The following PIBF1 variants were observed in gnomAD, a reference collection of about 807,000 sequenced individuals.
PIBF1 encodes the protein progesterone immunomodulatory binding factor 1, also known as progesterone-induced-blocking factor 1.
Under a neutral mutation model 112.5 loss-of-function variants are expected in PIBF1, and 90 were observed. That is an observed-to-expected ratio of 0.80 (90% CI 0.67 to 0.95). The LOEUF (loss-of-function observed/expected upper bound fraction) is 0.95. PIBF1 is among the 40% of genes least tolerant of loss of function. The pLI is 0.00. For missense variants in PIBF1, 915 were observed against 852.3 expected (o/e 1.07, Z -0.92); for synonymous variants, 301 against 288.6 (o/e 1.04, Z -0.44).
chr13:72,873,881 T>C (rs1418488080), intron 10 of PIBF1, among the ~76,000 whole-genome samples: 1 of 152,198 alleles, frequency 6.6e-6, no homozygotes, highest in Admixed American at 6.5e-5. Context: ...CCAGAACTCT[T>C]GCAACTTAAG....
chr13:72,951,565 C>T (rs2042296614), intron 14 of PIBF1, among the ~76,000 whole-genome samples: 1 of 152,038 alleles, frequency 6.6e-6, no homozygotes, highest in Non-Finnish European at 1.5e-5. Flanking sequence ...TAGGCAAAGA[C>T]AATCTGAAAG....
chr13:72,967,764 T>G (rs554690800), intron 15 of PIBF1, among the ~76,000 whole-genome samples: 267 of 152,288 alleles, frequency 1.8e-3, no homozygotes, highest in Non-Finnish European at 3.1e-3. Context: ...TATAATAAAA[T>G]TTTTTAAAAA....
intron 13 of PIBF1, among the ~76,000 whole-genome samples, chr13:72,927,382 T>G (rs533582865): frequency 6.6e-6 from 1 of 152,238 alleles, no homozygotes; most frequent in South Asian, 2.1e-4. Flanking sequence ...CGGGCACCTG[T>G]GGTCCCAGCT....
Position 72,824,737 on chromosome 13 carries a change from ATTAC to A in PIBF1, c.807-2267_807-2264del, listed in dbSNP as rs146408231. On this transcript the variant is annotated intron_variant, in intron 6 of 17. Transcript: ENST00000326291. Reference sequence around the variant, plus strand: ...TATTTACACAAAGCATCTCTTCACAATTACTTACTAATTTTAAAGGGCAAAAGGA... The same window carrying A: ...TATTTACACAAAGCATCTCTTCACAATTACTAATTTTAAAGGGCAAAAGGA... Among the ~76,000 whole-genome samples the A allele has an allele frequency of 8.8e-3, 1,337 of 152,280 alleles. 12 individuals carry two copies. The highest frequency in any genetic ancestry group is 0.02 in the South Asian group (98 of 4,822).
chr13:72,827,838 C>G lies in PIBF1; in HGVS notation c.1021C>G (p.Leu341Val), dbSNP rs1219589930. The change falls in exon 8 of 18, where the codon CTT (leucine) becomes GTT (valine). Residue 341 changes from leucine (L) to valine (V), a missense_variant. By Grantham distance (32) the Leu-to-Val change is conservative (BLOSUM62 1). Transcript: ENST00000326291. ...SVRCAHEEDR[L>V]ERLQAQLEES... is the part of the protein sequence containing the mutation. ...TCGCTGTGCTCATGAAGAGGATCGC[C>G]TTGAAAGACTTCAAGCTCAACTGGA... The G allele has an allele frequency of 5.0e-6, 8 of 1,599,228 alleles. No individual in the cohort carries two copies. Among genetic ancestry groups the G allele is most frequent in the Non-Finnish European group, 6.8e-6 (8 of 1,172,776 alleles).
intron 4 of PIBF1, among the ~76,000 whole-genome samples, 191 bp downstream of exon 4, chr13:72,795,748 T>C (rs2035162632): frequency 6.6e-6 from 1 of 152,122 alleles, no homozygotes; most frequent in Non-Finnish European, 1.5e-5. Flanking sequence ...AATAAATAGG[T>C]TTCTGAAGTT....
intron 8 of PIBF1, among the ~76,000 whole-genome samples, chr13:72,831,791 G>C (rs2037128894): frequency 6.6e-6 from 1 of 152,098 alleles, no homozygotes; most frequent in Non-Finnish European, 1.5e-5. Context: ...TTCAAGTCCT[G>C]AATATCCTTG....
Position 72,908,681 on chromosome 13 carries a change from A to G in PIBF1, c.1639A>G (p.Ile547Val). ...LDEIIMQTAEIENEDEAERVL... is the reference protein window; with the variant it reads ...LDEIIMQTAEVENEDEAERVL... ...TGAAATAATAATGCAAACTGCAGAAAGTAAGTCTTCCCCCACACACACATG... is the reference window on the plus strand; with the variant it reads ...TGAAATAATAATGCAAACTGCAGAAGGTAAGTCTTCCCCCACACACACATG... The change falls in exon 12 of 18, where the codon ATT becomes GTT. Residue 547 changes from isoleucine (I) to valine (V), a missense_variant and splice_region_variant. Coordinates refer to ENST00000326291, the MANE Select transcript of PIBF1 (RefSeq NM_006346.4). 1 of 1,610,568 alleles carries G rather than the reference A, an allele frequency of 6.2e-7. No individual in the cohort carries two copies. The highest frequency in any genetic ancestry group is 8.5e-7 in the Non-Finnish European group (1 of 1,178,592).
At chr13:72,832,072 C>CTTTTTTT (rs754794968) in intron 8 of PIBF1, among the ~76,000 whole-genome samples, 3 of 42,862 alleles carry the variant, frequency 7.0e-5, no homozygotes, top group Non-Finnish European at 7.5e-5. Flanking sequence ...CAATTCCGGC[C>CTTTTTTT]TTTTTTTTTT....
intron 9 of PIBF1, among the ~76,000 whole-genome samples, chr13:72,851,326 C>T (rs1392157754): frequency 1.3e-5 from 2 of 152,242 alleles, no homozygotes; most frequent in Non-Finnish European, 2.9e-5. Flanking sequence ...TTCCCGCTGC[C>T]TGACCTCTCC....
intron 13 of PIBF1, among the ~76,000 whole-genome samples, chr13:72,929,276 TTTTA>T (rs1263275095): frequency 1.3e-5 from 2 of 152,200 alleles, no homozygotes; most frequent in Non-Finnish European, 2.9e-5. Context: ...AATCAACGGA[TTTTA>T]AATGCAAAAT....
At chr13:72,919,833 G>C (rs529445354) in intron 13 of PIBF1, among the ~76,000 whole-genome samples, 2 of 152,172 alleles carry the variant, frequency 1.3e-5, no homozygotes, top group South Asian at 4.1e-4. Flanking sequence ...GCTGGGCATG[G>C]GGACATCTGC....
intron 16 of PIBF1, among the ~76,000 whole-genome samples, chr13:72,998,471 TAA>T (rs71198167): frequency 4.4e-5 from 6 of 135,794 alleles, no homozygotes; most frequent in Admixed American, 1.5e-4. Flanking sequence ...AGATCCTATC[TAA>T]AAAAAAAAAA....
intron 15 of PIBF1, 141 bp from the exon 16 acceptor site, chr13:72,973,450 C>A: frequency 2.1e-6 from 1 of 468,434 alleles, no homozygotes; most frequent in Non-Finnish European, 3.8e-6. Flanking sequence ...ATTTTAGTGG[C>A]TGGTCTGGAA....
intron 17 of PIBF1, among the ~76,000 whole-genome samples, chr13:72,999,972 CA>C (rs758154055): frequency 1.2e-4 from 19 of 152,184 alleles, no homozygotes; most frequent in Non-Finnish European, 2.5e-4. Context: ...GGGAGACAGG[CA>C]GGAGAATTGT....
rs188032746 is a variant in PIBF1, at chr13:72,852,990, G to C, written c.1224-1067G>C. 9.5e-4 allele frequency among the ~76,000 whole-genome samples: 144 copies of C among 152,020 alleles called. 1 individual carries two copies. Among genetic ancestry groups the C allele is most frequent in the African/African-American group, 3.2e-3 (132 of 41,500 alleles). On this transcript the variant is annotated intron_variant, in intron 9 of 17. Coordinates refer to ENST00000326291, the MANE Select transcript of PIBF1 (RefSeq NM_006346.4). ...GTTATAACATAAAGGGCTTTGTAGGGATTAAGTGAGCAAAATCATTTATAT... is the reference window on the plus strand; with the variant it reads ...GTTATAACATAAAGGGCTTTGTAGGCATTAAGTGAGCAAAATCATTTATAT...
At chr13:72,849,839 T>C (rs533341450) in intron 9 of PIBF1, among the ~76,000 whole-genome samples, 1 of 152,304 alleles carries the variant, frequency 6.6e-6, no homozygotes, top group South Asian at 2.1e-4. Flanking sequence ...AAGCTAATAC[T>C]TAACCTCTTT....
intron 10 of PIBF1, among the ~76,000 whole-genome samples, chr13:72,865,559 G>A (rs1394894866): frequency 6.6e-6 from 1 of 152,056 alleles, no homozygotes; most frequent in Non-Finnish European, 1.5e-5. Flanking sequence ...TTTACACTGT[G>A]TCTTATTATT....
chr13:72,862,238 G>A (rs997316722), intron 10 of PIBF1, among the ~76,000 whole-genome samples: 2 of 152,204 alleles, frequency 1.3e-5, no homozygotes, highest in Admixed American at 6.5e-5. Context: ...TCTAAGTGAA[G>A]TTACAGAACA....
Sources: allele counts gnomAD v4.1 joint callset (sites outside exome capture counted in the v4.1 genomes callset), GRCh38; gene constraint gnomAD v4.1.1; transcripts MANE v1.5; gene names NCBI Gene and HGNC (gene_info 2026-07-23, HGNC 2026-07-21).